OTOGL: variants seen among roughly 807,000 people sequenced by gnomAD.
OTOGL encodes the protein otogelin-like protein.
In OTOGL, 285 loss-of-function variants were observed where a neutral mutation model predicts 318.5. That is an observed-to-expected ratio of 0.89 (90% CI 0.81 to 0.99). The LOEUF (loss-of-function observed/expected upper bound fraction) is 0.99, where lower values mean the gene tolerates loss of function less well. Ranked by LOEUF, OTOGL falls within the 50% of genes least tolerant of loss-of-function variation. The pLI is 0.00. For missense variants in OTOGL, 2,899 were observed against 2,845.6 expected (o/e 1.02, Z -0.43); for synonymous variants, 987 against 936.5 (o/e 1.05, Z -0.99).
chr12:80,343,242 C>G (rs1049073997), intron 44 of OTOGL, among the ~76,000 whole-genome samples: 1 of 151,970 alleles, frequency 6.6e-6, no homozygotes, highest in Non-Finnish European at 1.5e-5. Context: ...GGATGGAGTT[C>G]CAGGCAGAGA....
rs577424959 is a variant in OTOGL, at chr12:80,353,519, C to G, written c.5593+9C>G. On this transcript the variant is annotated intron_variant, in intron 46 of 58. Transcript: ENST00000547103. ...TCCAGAGAAAGAGTGTGGTAAGACACAAAGTACAAAATGACTTCTCAGGAA... is the reference window on the plus strand; with the variant it reads ...TCCAGAGAAAGAGTGTGGTAAGACAGAAAGTACAAAATGACTTCTCAGGAA... 3.3e-6 allele frequency: 5 copies of G among 1,511,862 alleles called. No individual in the cohort carries two copies. The South Asian group carries it at 5.5e-5, about 17-fold the overall frequency. 93.7% of individuals were successfully genotyped at this position (1,511,862 alleles called of 1,614,324 possible).
chr12:80,215,798 A>G (rs1415737790), intron 4 of OTOGL, among the ~76,000 whole-genome samples: 3 of 152,180 alleles, frequency 2.0e-5, no homozygotes, highest in African/African-American at 7.2e-5. Context: ...GCCAGAAGCA[A>G]TGTGGCTGAA....
Position 80,209,516 on chromosome 12 carries a change from A to G in OTOGL, c.79+6A>G. The G allele has an allele frequency of 1.4e-6, 2 of 1,437,214 alleles. No individual in the cohort carries two copies. Among genetic ancestry groups the G allele is most frequent in the Non-Finnish European group, 1.9e-6 (2 of 1,064,420 alleles). 89.0% of individuals were successfully genotyped at this position (1,437,214 alleles called of 1,614,324 possible). On this transcript the variant is annotated splice_donor_region_variant and intron_variant, in intron 2 of 58. Transcript: ENST00000547103. ...ACTGCTGTTTTCATTACAAGGTAAG[A>G]ACTCAGATTAAATTTTTATGTTAAT... is the stretch of plus-strand genomic sequence containing the variant.
intron 1 of OTOGL, chr12:80,103,405 G>T: frequency 4.0e-6 from 3 of 741,948 alleles, no homozygotes; most frequent in South Asian, 1.7e-5. Flanking sequence ...TTTGACTGTG[G>T]CATCTTCTCA....
chr12:80,373,364 G>A (rs1890996726), intron 57 of OTOGL, among the ~76,000 whole-genome samples: 2 of 152,090 alleles, frequency 1.3e-5, no homozygotes, highest in African/African-American at 4.8e-5. Flanking sequence ...CCCGAGAGGC[G>A]GAGGTTACAG....
At position 80,218,776 on chromosome 12, in the gene OTOGL, T is replaced by C. The variant is rs571228343; in HGVS notation, c.236-1038T>C. Among the ~76,000 whole-genome samples the C allele has an allele frequency of 4.7e-5, 7 of 149,328 alleles. No homozygotes were observed. In the South Asian group the frequency reaches 1.5e-3, roughly 31 times the overall value. ...TCATCAAAATTTAAGTATAGATTTC[T>C]TTTTTTTTCTTTTTCTTTCTTTTTT... On this transcript the variant is annotated intron_variant, in intron 5 of 58. Coordinates refer to ENST00000547103, the MANE Select transcript of OTOGL (RefSeq NM_001378609.3).
intron 52 of OTOGL, among the ~76,000 whole-genome samples, chr12:80,363,553 AAAGAG>A (rs1199377798): frequency 2.0e-5 from 3 of 151,236 alleles, no homozygotes; most frequent in African/African-American, 4.9e-5. Context: ...AGAGAGAGAG[AAAGAG>A]AGAGAGAGAA....
At chr12:80,173,172 C>CTT (rs201331492) in intron 1 of OTOGL, among the ~76,000 whole-genome samples, 2 of 145,782 alleles carry the variant, frequency 1.4e-5, no homozygotes, top group Non-Finnish European at 1.5e-5. Context: ...ATTCATATGC[C>CTT]TTTTTTTTTT....
intron 1 of OTOGL, among the ~76,000 whole-genome samples, chr12:80,115,139 A>G (rs2137087419): frequency 6.6e-6 from 1 of 151,942 alleles, no homozygotes; most frequent in South Asian, 2.1e-4. Flanking sequence ...TGTTCCCTTG[A>G]TGGTGAGGAG....
intron 1 of OTOGL, among the ~76,000 whole-genome samples, chr12:80,178,663 A>G (rs1002911852): frequency 2.0e-5 from 3 of 152,208 alleles, no homozygotes; most frequent in Admixed American, 2.0e-4. Context: ...TCTCTCAGTT[A>G]TCACTGTCCT....
intron 1 of OTOGL, among the ~76,000 whole-genome samples, chr12:80,204,835 C>A (rs1010306421): frequency 2.0e-5 from 3 of 152,034 alleles, no homozygotes; most frequent in Non-Finnish European, 2.9e-5. Flanking sequence ...GGTCTGTGAA[C>A]CCTTAAGCTG....
chr12:80,150,361 A>C (rs1319876267), intron 1 of OTOGL, among the ~76,000 whole-genome samples: 3 of 152,228 alleles, frequency 2.0e-5, no homozygotes, highest in Admixed American at 2.0e-4. Flanking sequence ...TATTCAATAA[A>C]AATGAAAAGA....
chr12:80,182,945 C>T (rs1875029962), intron 1 of OTOGL, among the ~76,000 whole-genome samples: 1 of 152,098 alleles, frequency 6.6e-6, no homozygotes, highest in South Asian at 2.1e-4. Flanking sequence ...TGCTGATAGC[C>T]CATGTGGAAC....
intron 11 of OTOGL, among the ~76,000 whole-genome samples, chr12:80,242,851 G>T (rs763451059): frequency 4.6e-5 from 7 of 152,088 alleles, no homozygotes; most frequent in Non-Finnish European, 8.8e-5. Context: ...AACTTTATCA[G>T]AGAGTGCCTA....
intron 35 of OTOGL, among the ~76,000 whole-genome samples, chr12:80,325,373 A>T (rs1887614324): frequency 6.6e-6 from 1 of 152,242 alleles, no homozygotes; most frequent in African/African-American, 2.4e-5. Flanking sequence ...GAGGGGTAAA[A>T]ACAACAGCTA....
intron 24 of OTOGL, among the ~76,000 whole-genome samples, chr12:80,273,948 A>G (rs1883603714): frequency 6.6e-6 from 1 of 152,080 alleles, no homozygotes. Context: ...GTGCCCATAT[A>G]AGATGGAAAA....
At chr12:80,174,700 A>G (rs549332769) in intron 1 of OTOGL, among the ~76,000 whole-genome samples, 1 of 152,170 alleles carries the variant, frequency 6.6e-6, no homozygotes. Context: ...ATCTTGGAAG[A>G]TATCATATCT....
chr12:80,232,416 TAAAC>T (rs1031003687), intron 8 of OTOGL, among the ~76,000 whole-genome samples: 1 of 152,226 alleles, frequency 6.6e-6, no homozygotes. Flanking sequence ...AAAATAAAAT[TAAAC>T]AAAATCAGAA....
chr12:80,116,313 G>C (rs568460220), intron 1 of OTOGL, among the ~76,000 whole-genome samples: 1 of 151,864 alleles, frequency 6.6e-6, no homozygotes, highest in East Asian at 1.9e-4. Flanking sequence ...AGAGTTCCCC[G>C]ACCCCTTGTA....
Sources: gnomAD v4.1 joint callset for allele counts (sites outside exome capture counted in the v4.1 genomes callset) on GRCh38, gnomAD v4.1.1 for gene constraint, MANE v1.5 for transcripts, NCBI Gene and HGNC (gene_info 2026-07-23, HGNC 2026-07-21) for gene names.